The following HAL variants were observed in gnomAD, a reference collection of about 807,000 sequenced individuals.
The protein encoded by HAL is histidase.
Under a neutral mutation model 81.1 loss-of-function variants are expected in HAL, and 85 were observed. The ratio of observed to expected loss-of-function variants is 1.05; its 90% CI spans 0.88 to 1.25. The LOEUF is 1.25. Ranked by LOEUF, HAL falls within the 50% of genes most tolerant of loss-of-function variation. The probability of loss-of-function intolerance (pLI) is 0.00; values close to 1 mark genes in which losing one functional copy is unlikely to be tolerated. For missense variants in HAL, 798 were observed against 836.6 expected, an observed-to-expected ratio of 0.95 and a Z score of 0.57; for synonymous variants, 301 against 309.2, an observed-to-expected ratio of 0.97 and a Z score of 0.28.
chr12:95,990,566 G>A (rs1430474421), intron 9 of HAL, 34 bp from the exon 10 acceptor site: 4 of 1,597,650 alleles, frequency 2.5e-6, no homozygotes, highest in Non-Finnish European at 3.4e-6. Flanking sequence ...TAGTTCAAGA[G>A]TACTGCATTC....
chr12:95,991,637 A>G (rs1050693595), intron 9 of HAL, among the ~76,000 whole-genome samples: 24 of 152,340 alleles, frequency 1.6e-4, no homozygotes, highest in African/African-American at 5.3e-4. Flanking sequence ...TCCAACTGTT[A>G]AATAATGTCA....
chr12:95,976,223 G>T (rs2080717052), intron 20 of HAL: 2 of 618,492 alleles, frequency 3.2e-6, no homozygotes, highest in Admixed American at 5.3e-5. Context: ...CTAATCCTTA[G>T]ATATTCAACC....
At chr12:95,993,862 C>G (rs750898358) in intron 6 of HAL, 24 bp from the exon 7 acceptor site, 2 of 1,475,418 alleles carry the variant, frequency 1.4e-6, no homozygotes, top group South Asian at 2.3e-5. Context: ...AGACATTATG[C>G]AATTAAATGC....
intron 2 of HAL, chr12:95,995,225 A>C: frequency 1.7e-6 from 1 of 602,974 alleles, no homozygotes; most frequent in East Asian, 2.8e-5. Context: ...TCAAGACAGA[A>C]TTCCACTTCC....
chr12:95,993,875 G>A, intron 6 of HAL, 37 bp from the exon 7 acceptor site: 1 of 1,474,266 alleles, frequency 6.8e-7, no homozygotes, highest in Non-Finnish European at 9.5e-7. Flanking sequence ...TTAAATGCAG[G>A]GATTTTTGTT....
In HAL at chr12:95,995,935, C is replaced by T; in HGVS notation, c.-25G>A. On this transcript the variant is annotated 5_prime_UTR_variant, in exon 2 of 21. Transcript: ENST00000261208. ...TGGCTCCGCTGCAGCCTGAGGTCCT[C>T]AGCTGGTCACAGGAGGGGAGAGCTT... 6.2e-7 allele frequency: 1 copy of T among 1,600,128 alleles called. No homozygotes were observed. Among genetic ancestry groups the T allele is most frequent in the Non-Finnish European group, 8.5e-7 (1 of 1,179,654 alleles).
intron 9 of HAL, among the ~76,000 whole-genome samples, chr12:95,992,341 A>G (rs1949980350): frequency 6.6e-6 from 1 of 152,188 alleles, no homozygotes; most frequent in African/African-American, 2.4e-5. Context: ...GATATCATGC[A>G]ATTTTTCTAA....
At chr12:95,974,745 T>C (rs541977455) in intron 20 of HAL, among the ~76,000 whole-genome samples, 1 of 152,318 alleles carries the variant, frequency 6.6e-6, no homozygotes, top group South Asian at 2.1e-4. Context: ...TTTTGTTTTT[T>C]TTCTTTTTTT....
Position 95,994,807 on chromosome 12 carries a change from C to G in HAL, c.327G>C (p.Glu109Asp), listed in dbSNP as rs1354677407. The change falls in exon 4 of 21, where the codon GAG becomes GAC. Residue 109 changes from glutamate to aspartate, a missense_variant. Physicochemically the swap from Glu to Asp is conservative, Grantham distance 45. Coordinates refer to ENST00000261208, the MANE Select transcript of HAL (RefSeq NM_002108.4). ...GTGGTTTGAAGCTTACCTTTTCAGG[C>G]TCCCGGTACTTGCTGTATCTGTATC... ...EGVYLYSKYR[E>D]PEKYIELDGD... 6.8e-6 allele frequency: 11 copies of G among 1,613,966 alleles called. No individual in the cohort carries two copies. Among genetic ancestry groups the G allele is most frequent in the Admixed American group, 3.3e-5 (2 of 59,998 alleles).
chr12:95,981,413 C>A (rs1055939233), intron 15 of HAL, among the ~76,000 whole-genome samples: 4 of 152,184 alleles, frequency 2.6e-5, no homozygotes, highest in Non-Finnish European at 4.4e-5. Flanking sequence ...CCTCATGAAT[C>A]CATTTTAAGT....
At position 95,976,040 on chromosome 12, in the gene HAL, A is replaced by G. The variant is rs188871385; in HGVS notation, c.1833+389T>C. 5.1e-5 allele frequency: 18 copies of G among 351,984 alleles called. No individual in the cohort carries two copies. The East Asian group carries it at 1.3e-3, about 25-fold the overall frequency. 21.8% of individuals were successfully genotyped at this position (351,984 alleles called of 1,614,324 possible). A position where few individuals can be genotyped will look rare whatever the true frequency, so the allele number is the denominator to read the frequency against. ...GGGCCTTGGTTTTCTCTCCAGGTCT[A>G]CGCAGCCATTGCACCCAGTGGTGGT... On this transcript the variant is annotated intron_variant, in intron 20 of 20. Coordinates refer to ENST00000261208, the MANE Select transcript of HAL (RefSeq NM_002108.4).
At chr12:95,992,866 T>G in intron 8 of HAL, 61 bp from the exon 9 acceptor site, 1 of 1,299,866 alleles carries the variant, frequency 7.7e-7, no homozygotes, top group African/African-American at 2.2e-5. Flanking sequence ...CTCCTGACAA[T>G]TGCCCTCCCT....
intron 17 of HAL, among the ~76,000 whole-genome samples, chr12:95,978,716 A>G (rs1475563791): frequency 6.6e-6 from 1 of 152,176 alleles, no homozygotes; most frequent in African/African-American, 2.4e-5. Flanking sequence ...ACGAGCTCTC[A>G]GGTGATGGCC....
At position 95,987,158 on chromosome 12, in the gene HAL, T is replaced by C. The variant is rs768916769; in HGVS notation, c.960A>G (p.Val320=). The C allele has an allele frequency of 1.9e-6, 3 of 1,613,678 alleles. No homozygotes were observed. Among genetic ancestry groups the C allele is most frequent in the Non-Finnish European group, 2.5e-6 (3 of 1,179,530 alleles). The change falls in exon 12 of 21, where the codon GTA becomes GTG. Residue 320 remains valine, a synonymous_variant. Coordinates refer to ENST00000261208, the MANE Select transcript of HAL (RefSeq NM_002108.4). ...GCCGTGCAATAGCACTGGCTCGCTC[T>C]ACAGCTTCACAGCCCAGGGATGTGA... The part of the protein sequence containing the change: ...QMITSLGCEA[V]ERASAIARQA...
At chr12:95,995,199 G>A in intron 2 of HAL, 1 of 619,002 alleles carries the variant, frequency 1.6e-6, no homozygotes, top group Non-Finnish European at 2.9e-6. Context: ...CAGAGACCAG[G>A]GGTTTAGATG....
Position 95,976,460 on chromosome 12 carries a change from T to G in HAL, c.1802A>C (p.Glu601Ala). ...CTCCAGGAGCAGCCTGTGGGCTGCC[T>G]CGATGTCCGGGGCCATGAAGCGATC... ...IKDRFMAPDI[E>A]AAHRLLLEQK... The change falls in exon 20 of 21, where the codon GAG (glutamate) becomes GCG (alanine). Residue 601 changes from glutamate (E) to alanine (A), a missense_variant. Glu to Ala is a moderately radical substitution (Grantham distance 107). Coordinates refer to ENST00000261208, the MANE Select transcript of HAL (RefSeq NM_002108.4). 6.2e-7 allele frequency: 1 copy of G among 1,614,082 alleles called. No homozygotes were observed. Among genetic ancestry groups the G allele is most frequent in the Non-Finnish European group, 8.5e-7 (1 of 1,179,936 alleles).
chr12:95,995,907 G>A lies in HAL; in HGVS notation c.4C>T (p.Pro2Ser). 6.2e-7 allele frequency: 1 copy of A among 1,603,334 alleles called. No homozygotes were observed. Among genetic ancestry groups the A allele is most frequent in the South Asian group, 1.1e-5 (1 of 91,034 alleles). Residue 2 changes from proline to serine, a missense_variant, in exon 2 of 21, where the codon CCC (proline) becomes TCC (serine). Physicochemically the swap from Pro to Ser is moderately conservative, Grantham distance 74. Transcript: ENST00000261208. M[P>S]RYTVHVRGEW... Reference sequence around the variant, plus strand: ...CCACGTACGTGCACCGTGTATCTGGGCATGGCTCCGCTGCAGCCTGAGGTC... The same window carrying A: ...CCACGTACGTGCACCGTGTATCTGGACATGGCTCCGCTGCAGCCTGAGGTC...
At chr12:95,980,502 G>A in intron 17 of HAL, 54 bp downstream of exon 17, 1 of 1,556,988 alleles carries the variant, frequency 6.4e-7, no homozygotes, top group East Asian at 2.2e-5. Flanking sequence ...AGGTGAAATG[G>A]AAAGACCCTT....
Position 95,973,446 on chromosome 12 carries a change from T to C in HAL, c.*786A>G, listed in dbSNP as rs2080677740. On this transcript the variant is annotated 3_prime_UTR_variant, in exon 21 of 21. Coordinates refer to ENST00000261208, the MANE Select transcript of HAL (RefSeq NM_002108.4). ...ATCTGTGAAATGAGGAAGGTTACAA[T>C]AAGAATGTGAATAGAGTACTAACAC... is the stretch of plus-strand genomic sequence containing the variant. The C allele has an allele frequency of 6.6e-6, 1 of 152,176 alleles. No homozygotes were observed. The allele number at this position is 152,176 out of a possible 1,614,324, so 9.4% of individuals were successfully genotyped here.
Sources: gnomAD v4.1 joint callset for allele counts (sites outside exome capture counted in the v4.1 genomes callset) on GRCh38, gnomAD v4.1.1 for gene constraint, MANE v1.5 for transcripts, NCBI Gene and HGNC (gene_info 2026-07-23, HGNC 2026-07-21) for gene names.